ELSPBP1: variants seen among roughly 807,000 people sequenced by gnomAD.
ELSPBP1 encodes epididymal sperm-binding protein 1.
Under a neutral mutation model 33.3 loss-of-function variants are expected in ELSPBP1, and 38 were observed. That is an observed-to-expected ratio of 1.14 (90% CI 0.88 to 1.50). The LOEUF (loss-of-function observed/expected upper bound fraction) is 1.50. Ranked by LOEUF, ELSPBP1 falls within the 40% of genes most tolerant of loss-of-function variation. The pLI is 0.00. For synonymous variants in ELSPBP1, 85 were observed against 94.1 expected (o/e 0.90, Z 0.56); for missense variants, 267 against 263.5 (o/e 1.01, Z -0.09).
chr19:48,022,030 G>A (rs188113432), intron 5 of ELSPBP1, 140 bp from the exon 6 acceptor site: 95 of 720,526 alleles, frequency 1.3e-4, no homozygotes, highest in Admixed American at 4.9e-4. Flanking sequence ...TTAAATGCGC[G>A]CGATTAAATG....
rs191587662 is a variant in ELSPBP1 at position 48,015,529 on chromosome 19, G to C, written c.209-364G>C. On this transcript the variant is annotated intron_variant, in intron 3 of 6. Transcript: ENST00000339841. ...AAAAATTAGCTGGGTGTGGTGGCAG[G>C]CATCTGTAATCCCAGCTACTCGGGA... is the stretch of plus-strand genomic sequence containing the variant. Among the ~76,000 whole-genome samples, 19 of 152,122 alleles carry C rather than the reference G, an allele frequency of 1.2e-4. No homozygotes were observed. In the East Asian group the frequency reaches 3.5e-3, roughly 28 times the overall value.
chr19:48,015,892 G>C lies in ELSPBP1; in HGVS notation c.209-1G>C. 5 of 1,606,152 alleles carry C rather than the reference G, an allele frequency of 3.1e-6. No individual in the cohort carries two copies. Among genetic ancestry groups the C allele is most frequent in the Non-Finnish European group, 4.3e-6 (5 of 1,173,472 alleles). On this transcript the variant is annotated splice_acceptor_variant, in intron 3 of 6. Transcript: ENST00000339841. LOFTEE classifies it high-confidence loss of function. ...ACACTCACGAACTCTGTTCCTAACAGATTACCCACGCTGTATCTTCCCTTT... is the reference window on the plus strand; with the variant it reads ...ACACTCACGAACTCTGTTCCTAACACATTACCCACGCTGTATCTTCCCTTT...
Position 48,003,941 on chromosome 19 carries a change from A to G in ELSPBP1, c.-17-4710A>G, listed in dbSNP as rs537173872. 3.3e-5 allele frequency among the ~76,000 whole-genome samples: 3 copies of G among 90,188 alleles called. No individual in the cohort carries two copies. The East Asian group carries it at 8.5e-4, about 25-fold the overall frequency. 59.2% of individuals were successfully genotyped at this position (90,188 alleles called of 152,430 possible). ...ATTCTATTCTATTCTATTCTATTCT[A>G]TTCTATTCTATTCTATTCTTTTGAG... is the stretch of plus-strand genomic sequence containing the variant. On this transcript the variant is annotated intron_variant, in intron 1 of 6. Transcript: ENST00000339841.
chr19:48,014,724 A>G (rs930151099), intron 3 of ELSPBP1, among the ~76,000 whole-genome samples: 10 of 151,606 alleles, frequency 6.6e-5, no homozygotes, highest in African/African-American at 2.2e-4. Flanking sequence ...AATAAATGAT[A>G]TATAATTACT....
In ELSPBP1 at chr19:48,004,191, G is replaced by A. The variant is rs373481661; in HGVS notation, c.-17-4460G>A. Among the ~76,000 whole-genome samples, 41 of 152,022 alleles carry A rather than the reference G, an allele frequency of 2.7e-4. No homozygotes were observed. The East Asian group carries it at 7.4e-3, about 27-fold the overall frequency. The stretch of plus-strand genomic sequence containing the variant: ...ACTCCTGACCTCAGATGATCTGCCC[G>A]CCTCGGCCTCCCAAGGTGCTGGGAT... On this transcript the variant is annotated intron_variant, in intron 1 of 6. Coordinates refer to ENST00000339841, the MANE Select transcript of ELSPBP1 (RefSeq NM_022142.5).
chr19:48,014,041 T>A lies in ELSPBP1; in HGVS notation c.71-130T>A. On this transcript the variant is annotated intron_variant, in intron 2 of 6. Transcript: ENST00000339841. ...GACCGTGGGGGTTAGGATTTTAACA[T>A]ATGAATTTTGCGGCGGGGGCAGGGA... 3 of 1,075,896 alleles carry A rather than the reference T, an allele frequency of 2.8e-6. No homozygotes were observed. The South Asian group carries it at 4.4e-5, about 16-fold the overall frequency. 66.6% of individuals were successfully genotyped at this position (1,075,896 alleles called of 1,614,324 possible).
At position 48,014,291 on chromosome 19, in the gene ELSPBP1, A is replaced by T. The variant is rs778306785; in HGVS notation, c.191A>T (p.Lys64Met). 3 of 1,613,746 alleles carry T rather than the reference A, an allele frequency of 1.9e-6. No homozygotes were observed. Among genetic ancestry groups the T allele is most frequent in the South Asian group, 2.2e-5 (2 of 91,062 alleles). Residue 64 changes from lysine to methionine, a missense_variant, in exon 3 of 7, where the codon AAG becomes ATG. Coordinates refer to ENST00000339841, the MANE Select transcript of ELSPBP1 (RefSeq NM_022142.5). Reference protein sequence around the residue: ...ATRAVYNGQWKYCQSEDYPRC... With the variant: ...ATRAVYNGQWMYCQSEDYPRC... Reference sequence around the variant, plus strand: ...AGAGCCGTGTACAACGGCCAGTGGAAGTACTGCCAGAGTGAAGGTGAGTGG... The same window carrying T: ...AGAGCCGTGTACAACGGCCAGTGGATGTACTGCCAGAGTGAAGGTGAGTGG...
chr19:48,017,639 C>T (rs941797219), intron 4 of ELSPBP1, among the ~76,000 whole-genome samples: 1 of 151,880 alleles, frequency 6.6e-6, no homozygotes, highest in Non-Finnish European at 1.5e-5. Flanking sequence ...GCCTGTAATC[C>T]CAAAAGGGAT....
intron 4 of ELSPBP1, among the ~76,000 whole-genome samples, chr19:48,016,497 T>C (rs899584321): frequency 9.1e-6 from 1 of 110,422 alleles, no homozygotes; most frequent in Non-Finnish European, 1.9e-5. Context: ...TCTTTCTTTC[T>C]TTCTTTCTTT....
At chr19:47,999,546 G>C (rs1447622098) in intron 1 of ELSPBP1, among the ~76,000 whole-genome samples, 1 of 151,808 alleles carries the variant, frequency 6.6e-6, no homozygotes, top group East Asian at 1.9e-4. Flanking sequence ...GTGTCACCAC[G>C]CCTGGCTAAT....
At position 48,019,792 on chromosome 19, in the gene ELSPBP1, C is replaced by T; in HGVS notation, c.429C>T (p.Cys143=). The T allele has an allele frequency of 2.5e-6, 4 of 1,613,854 alleles. No individual in the cohort carries two copies. The highest frequency in any genetic ancestry group is 3.4e-6 in the Non-Finnish European group (4 of 1,179,898). ...ACAGAAATAATGTGGTCTCTGATTG[C>T]ATGGAGGATGAAAGCAACAAGCTCT... is the stretch of plus-strand genomic sequence containing the variant. The part of the protein sequence containing the change: ...SIYRNNVVSD[C]MEDESNKLWC... The change falls in exon 5 of 7, where the codon TGC becomes TGT. Residue 143 remains cysteine, a synonymous_variant. Transcript: ENST00000339841.
intron 5 of ELSPBP1, 108 bp downstream of exon 5, chr19:48,019,985 G>A: frequency 8.3e-7 from 1 of 1,200,552 alleles, no homozygotes; most frequent in East Asian, 2.5e-5. Flanking sequence ...GTTGGGCACT[G>A]AGGATCTGGT....
rs1280697988 is a variant in ELSPBP1, at chr19:48,006,594, T to C, written c.-17-2057T>C. Among the ~76,000 whole-genome samples the C allele has an allele frequency of 4.2e-5, 4 of 95,094 alleles. 1 individual carries two copies. Among genetic ancestry groups the C allele is most frequent in the African/African-American group, 8.6e-5 (2 of 23,130 alleles). The allele number at this position is 95,094 out of a possible 152,430, so 62.4% of individuals were successfully genotyped here. A position where few individuals can be genotyped will look rare whatever the true frequency, so the allele number is the denominator to read the frequency against. ...GTGCCACTGCACTCCAGTCTGGGCG[T>C]CTGGGCGACAGAGTGAGACCCTGTC... On this transcript the variant is annotated intron_variant, in intron 1 of 6. Coordinates refer to ENST00000339841, the MANE Select transcript of ELSPBP1 (RefSeq NM_022142.5).
rs768117801 is a variant in ELSPBP1, at chr19:48,011,083, GACA to G, written c.70+2351_70+2353del. On this transcript the variant is annotated intron_variant, in intron 2 of 6. Transcript: ENST00000339841. The surrounding 1 kb of genome is among the most constrained non-coding windows in gnomAD (Gnocchi z 4.5). ...TGATGACAATGATGACGGTAATGAT[GACA>G]ACAATAATAGCGACAATGACAATGA... Among the ~76,000 whole-genome samples the G allele has an allele frequency of 1.2e-4, 18 of 152,032 alleles. No individual in the cohort carries two copies. The highest frequency in any genetic ancestry group is 3.9e-4 in the Admixed American group (6 of 15,246).
intron 2 of ELSPBP1, among the ~76,000 whole-genome samples, chr19:48,013,511 G>A (rs887029634): frequency 3.3e-5 from 5 of 152,144 alleles, no homozygotes; most frequent in African/African-American, 1.2e-4. Flanking sequence ...GAGGTTAGGA[G>A]TTTGAGACCA....
chr19:48,014,132 G>A, intron 2 of ELSPBP1, 39 bp from the exon 3 acceptor site: 1 of 1,602,716 alleles, frequency 6.2e-7, no homozygotes, highest in Non-Finnish European at 8.5e-7. Context: ...AATTCATCGT[G>A]ATTCTTCCCC....
At chr19:48,013,677 A>T (rs1395801853) in intron 2 of ELSPBP1, among the ~76,000 whole-genome samples, 1 of 151,892 alleles carries the variant, frequency 6.6e-6, no homozygotes, top group Non-Finnish European at 1.5e-5. Context: ...AGACCAGACT[A>T]CTGCACTCCA....
intron 1 of ELSPBP1, among the ~76,000 whole-genome samples, 185 bp downstream of exon 1, chr19:47,994,996 A>G (rs1966900337): frequency 6.6e-6 from 1 of 152,242 alleles, no homozygotes; most frequent in Non-Finnish European, 1.5e-5. Flanking sequence ...TTTTAATAAC[A>G]TGTTCTGTGG....
chr19:48,022,047 T>A, intron 5 of ELSPBP1, 123 bp from the exon 6 acceptor site: 1 of 842,584 alleles, frequency 1.2e-6, no homozygotes, highest in African/African-American at 1.7e-5. Context: ...AATGCTGGGA[T>A]TAAAGGCGCG....
Sources: gnomAD v4.1 joint callset for allele counts (sites outside exome capture counted in the v4.1 genomes callset) on GRCh38, gnomAD v4.1.1 for gene constraint, Gnocchi (gnomAD v3.1) non-coding constraint, MANE v1.5 for transcripts, NCBI Gene and HGNC (gene_info 2026-07-23, HGNC 2026-07-21) for gene names.